The following AFG1L variants were observed in gnomAD, a reference collection of about 807,000 sequenced individuals.
AFG1L encodes the protein AFG1 like ATPase.
In AFG1L, 53 loss-of-function variants were observed where a neutral mutation model predicts 62.2. That is an observed-to-expected ratio of 0.85 (90% CI 0.68 to 1.07). AFG1L has a LOEUF of 1.07. Ranked by LOEUF, AFG1L falls within the 50% of genes least tolerant of loss-of-function variation. The pLI, the probability that AFG1L is intolerant of heterozygous loss-of-function variation, is 0.00. For missense variants in AFG1L, 555 were observed against 590.5 expected, an observed-to-expected ratio of 0.94 and a Z score of 0.62; for synonymous variants, 228 against 210.3, an observed-to-expected ratio of 1.08 and a Z score of -0.73.
intron 7 of AFG1L, among the ~76,000 whole-genome samples, chr6:108,446,358 G>A: frequency 6.6e-6 from 1 of 152,052 alleles, no homozygotes. Flanking sequence ...TGGCCAGAGA[G>A]GAAACTAAAA....
intron 3 of AFG1L, among the ~76,000 whole-genome samples, chr6:108,350,788 C>A (rs1379754409): frequency 6.6e-6 from 1 of 152,174 alleles, no homozygotes; most frequent in African/African-American, 2.4e-5. Context: ...TTCCTGCTGC[C>A]TCCTGGTTTC....
At position 108,446,051 on chromosome 6, in the gene AFG1L, TACACACACACACACACACACACAC is replaced by T. The variant is rs67384163; in HGVS notation, c.808-1134_808-1111del. On this transcript the variant is annotated intron_variant, in intron 7 of 12. Coordinates refer to ENST00000368977, the MANE Select transcript of AFG1L (RefSeq NM_145315.5). ...AGTATGCCTCTCATCTATGTAGAGA[TACACACACACACACACACACACAC>T]ACACACACACACACACACACACACA... Among the ~76,000 whole-genome samples the T allele has an allele frequency of 8.5e-5, 12 of 141,894 alleles. No individual in the cohort carries two copies. The South Asian group carries it at 1.2e-3, about 14-fold the overall frequency. The allele number at this position is 141,894 out of a possible 152,430, so 93.1% of individuals were successfully genotyped here.
At chr6:108,378,636 ATC>A (rs1312520726) in intron 6 of AFG1L, among the ~76,000 whole-genome samples, 2 of 151,688 alleles carry the variant, frequency 1.3e-5, no homozygotes, top group African/African-American at 4.8e-5. Context: ...TGAGTTCCTT[ATC>A]TGTTATTTCT....
intron 10 of AFG1L, among the ~76,000 whole-genome samples, chr6:108,489,908 A>G (rs1409832429): frequency 2.0e-5 from 3 of 152,324 alleles, no homozygotes; most frequent in African/African-American, 7.2e-5. Flanking sequence ...ACTGACATAG[A>G]AAAAGGAAGA....
At chr6:108,471,437 A>G (rs567302233) in intron 8 of AFG1L, among the ~76,000 whole-genome samples, 8 of 146,872 alleles carry the variant, frequency 5.4e-5, no homozygotes, top group Admixed American at 2.0e-4. Context: ...AGAATGTTTC[A>G]TTTAAATTGA....
intron 5 of AFG1L, chr6:108,359,863 G>A (rs1406736081): frequency 6.6e-6 from 1 of 152,218 alleles, no homozygotes; most frequent in Admixed American, 6.5e-5. Flanking sequence ...TCTTCAGCTG[G>A]ATCTCCAGTG....
chr6:108,522,601 AT>A lies in AFG1L; in HGVS notation c.*182del. ...TGGATTAGTAAGTTAAACACTTAAC[AT>A]TTTTTAGGTCTGCTTTTTCTTATTT... On this transcript the variant is annotated 3_prime_UTR_variant, in exon 13 of 13. Transcript: ENST00000368977. 1 of 526,616 alleles carries A rather than the reference AT, an allele frequency of 1.9e-6. No individual in the cohort carries two copies. The highest frequency in any genetic ancestry group is 3.1e-6 in the Non-Finnish European group (1 of 323,564). 32.6% of individuals were successfully genotyped at this position (526,616 alleles called of 1,614,324 possible).
intron 7 of AFG1L, among the ~76,000 whole-genome samples, chr6:108,431,383 C>A (rs975306931): frequency 6.6e-6 from 1 of 152,096 alleles, no homozygotes; most frequent in Non-Finnish European, 1.5e-5. Context: ...GGATTACAGG[C>A]ATGAGCCACC....
intron 6 of AFG1L, among the ~76,000 whole-genome samples, chr6:108,389,553 G>C (rs910310796): frequency 1.3e-5 from 2 of 152,108 alleles, no homozygotes; most frequent in African/African-American, 2.4e-5. Context: ...TCCTTCAGGA[G>C]CTCTTTTAGG....
chr6:108,365,309 C>T (rs890122075), intron 5 of AFG1L, among the ~76,000 whole-genome samples: 6 of 151,914 alleles, frequency 3.9e-5, no homozygotes, highest in Admixed American at 1.3e-4. Flanking sequence ...ATTTTAAAAG[C>T]CTTTAGAAAA....
At chr6:108,432,935 C>T (rs562199544) in intron 7 of AFG1L, among the ~76,000 whole-genome samples, 5 of 152,336 alleles carry the variant, frequency 3.3e-5, no homozygotes, top group African/African-American at 1.2e-4. Context: ...GAAATTCACA[C>T]CTATGCCAGT....
chr6:108,510,619 A>G (rs1774607758), intron 11 of AFG1L, among the ~76,000 whole-genome samples: 1 of 152,276 alleles, frequency 6.6e-6, no homozygotes, highest in African/African-American at 2.4e-5. Context: ...CAGCAGTAGT[A>G]CTATAGTAAA....
At chr6:108,355,535 T>C (rs923349101) in intron 3 of AFG1L, 119 bp from the exon 4 acceptor site, 8 of 497,384 alleles carry the variant, frequency 1.6e-5, no homozygotes, top group Non-Finnish European at 2.7e-5. Flanking sequence ...AGAAGTGACA[T>C]AGTCTTCAGC....
chr6:108,396,995 G>T (rs1289414226), intron 6 of AFG1L, among the ~76,000 whole-genome samples: 1 of 151,960 alleles, frequency 6.6e-6, no homozygotes, highest in East Asian at 1.9e-4. Flanking sequence ...CTGTTGTGCT[G>T]TCAAATACTA....
At chr6:108,432,180 C>T (rs17069568) in intron 7 of AFG1L, among the ~76,000 whole-genome samples, 84 of 151,988 alleles carry the variant, frequency 5.5e-4, no homozygotes, top group African/African-American at 1.9e-3. Context: ...AAAATGTCAC[C>T]TTATTTACAA....
chr6:108,498,212 C>T (rs1331449123), intron 10 of AFG1L, among the ~76,000 whole-genome samples: 2 of 152,086 alleles, frequency 1.3e-5, no homozygotes, highest in African/African-American at 4.8e-5. Context: ...TTCTGTTGGC[C>T]GTGGTAAAGT....
intron 8 of AFG1L, among the ~76,000 whole-genome samples, chr6:108,453,148 A>G (rs1772122371): frequency 1.3e-5 from 2 of 152,192 alleles, no homozygotes; most frequent in African/African-American, 4.8e-5. Flanking sequence ...CAACAAAACT[A>G]CATCTGAAGC....
At chr6:108,321,316 A>G (rs991708294) in intron 1 of AFG1L, among the ~76,000 whole-genome samples, 2 of 152,346 alleles carry the variant, frequency 1.3e-5, no homozygotes, top group Admixed American at 6.5e-5. Flanking sequence ...GGAGCCCAGT[A>G]GAAGAGATGG....
intron 10 of AFG1L, among the ~76,000 whole-genome samples, chr6:108,477,906 C>A (rs1335969604): frequency 6.6e-6 from 1 of 152,184 alleles, no homozygotes; most frequent in African/African-American, 2.4e-5. Context: ...TTTAAAAAAT[C>A]TGGAATTCTA....
Sources: allele counts gnomAD v4.1 joint callset (sites outside exome capture counted in the v4.1 genomes callset), GRCh38; gene constraint gnomAD v4.1.1; transcripts MANE v1.5; gene names NCBI Gene and HGNC (gene_info 2026-07-23, HGNC 2026-07-21).